The following EHHADH variants were observed in gnomAD, a reference collection of about 807,000 sequenced individuals.
EHHADH encodes enoyl-CoA hydratase and 3-hydroxyacyl CoA dehydrogenase, also known as peroxisomal bifunctional enzyme.
EHHADH carries 48 observed loss-of-function variants against 64.4 expected under a neutral mutation model. The ratio of observed to expected loss-of-function variants is 0.75; its 90% CI spans 0.59 to 0.95. The LOEUF (loss-of-function observed/expected upper bound fraction) is 0.95, where lower values mean the gene tolerates loss of function less well. Ranked by LOEUF, EHHADH falls within the 40% of genes least tolerant of loss-of-function variation. The pLI is 0.00. For synonymous variants in EHHADH, 308 were observed against 326.7 expected, an observed-to-expected ratio of 0.94 and a Z score of 0.62; for missense variants, 854 against 876.6, an observed-to-expected ratio of 0.97 and a Z score of 0.33.
In EHHADH at chr3:185,193,431, C is replaced by G; in HGVS notation, c.967G>C (p.Val323Leu). The change falls in exon 7 of 7, where the codon GTG (valine) becomes CTG (leucine). Residue 323 changes from valine to leucine, a missense_variant. Val to Leu is a conservative substitution (Grantham distance 32). Transcript: ENST00000231887. ...VISFARARIPVIAVDSDKNQL... is the reference protein window; with the variant it reads ...VISFARARIPLIAVDSDKNQL... The stretch of plus-strand genomic sequence containing the variant: ...TTTTTGTCCGAGTCTACAGCAATCA[C>G]AGGAATCCTGGCCCTTGCAAAAGAA... 6.2e-7 allele frequency: 1 copy of G among 1,614,214 alleles called. No homozygotes were observed. The highest frequency in any genetic ancestry group is 8.5e-7 in the Non-Finnish European group (1 of 1,180,028).
chr3:185,226,758 C>A (rs1718990137), intron 4 of EHHADH: 1 of 152,080 alleles, frequency 6.6e-6, no homozygotes, highest in Non-Finnish European at 1.5e-5. Flanking sequence ...TGAGCTATAT[C>A]CCAAGTAAGC....
At chr3:185,248,567 A>G in intron 1 of EHHADH, 50 bp from the exon 2 acceptor site, 2 of 1,378,632 alleles carry the variant, frequency 1.5e-6, no homozygotes, top group South Asian at 2.5e-5. Context: ...TTAAATTCCT[A>G]CCATTCAGAG....
chr3:185,192,357 TC>T lies in EHHADH; in HGVS notation c.2040del (p.Lys681AsnfsTer18). On this transcript the variant is annotated frameshift_variant, in exon 7 of 7. Transcript: ENST00000231887. LOFTEE classifies it high-confidence loss of function. ...VGLPTVLEKLQKYYRQNPDIP... is the reference protein window; with the variant it reads ...VGLPTVLEKLXKYYRQNPDIP... ...ATATCAGGGTTCTGCCTGTAATATT[TC>T]TGCAATTTCTCTAGAACTGTGGGCA... is the stretch of plus-strand genomic sequence containing the variant. 6.2e-7 allele frequency: 1 copy of T among 1,614,214 alleles called. No individual in the cohort carries two copies. Among genetic ancestry groups the T allele is most frequent in the Non-Finnish European group, 8.5e-7 (1 of 1,180,044 alleles).
chr3:185,192,166 A>G lies in EHHADH; in HGVS notation c.*60T>C, dbSNP rs994908205. ...TACTTTGGATTTTTGATTTAATTTC[A>G]CTGAAATTCAGTCAGCATTACCTGA... On this transcript the variant is annotated 3_prime_UTR_variant, in exon 7 of 7. Coordinates refer to ENST00000231887, the MANE Select transcript of EHHADH (RefSeq NM_001966.4). 5 of 1,500,818 alleles carry G rather than the reference A, an allele frequency of 3.3e-6. No homozygotes were observed. The African/African-American group carries it at 5.6e-5, about 17-fold the overall frequency. 93.0% of individuals were successfully genotyped at this position (1,500,818 alleles called of 1,614,324 possible). A position where few individuals can be genotyped will look rare whatever the true frequency, so the allele number is the denominator to read the frequency against.
intron 4 of EHHADH, among the ~76,000 whole-genome samples, chr3:185,228,253 A>T (rs1223251741): frequency 8.6e-5 from 4 of 46,724 alleles, no homozygotes; most frequent in Non-Finnish European, 1.4e-4. Context: ...AAAAAAAAAA[A>T]AAAAATATAT....
chr3:185,205,301 G>A (rs901818271), intron 5 of EHHADH, among the ~76,000 whole-genome samples: 1 of 152,096 alleles, frequency 6.6e-6, no homozygotes, highest in East Asian at 1.9e-4. Flanking sequence ...GTACCCAGAA[G>A]TTGGTTTTTC....
At chr3:185,217,773 T>A (rs1718726242) in intron 5 of EHHADH, among the ~76,000 whole-genome samples, 1 of 151,166 alleles carries the variant, frequency 6.6e-6, no homozygotes, top group Non-Finnish European at 1.5e-5. Context: ...TTCTTTTTTT[T>A]TTTTTTCTCG....
At position 185,198,321 on chromosome 3, in the gene EHHADH, C is replaced by T. The variant is rs377726947; in HGVS notation, c.911-4834G>A. On this transcript the variant is annotated intron_variant, in intron 6 of 6. Coordinates refer to ENST00000231887, the MANE Select transcript of EHHADH (RefSeq NM_001966.4). Reference sequence around the variant, plus strand: ...GTAACCTCCGCCTCCCGAGTTCAAGCGATTCTCGTGCCTCAGCCTCCGGAG... The same window carrying T: ...GTAACCTCCGCCTCCCGAGTTCAAGTGATTCTCGTGCCTCAGCCTCCGGAG... 9.9e-5 allele frequency among the ~76,000 whole-genome samples: 15 copies of T among 152,064 alleles called. No homozygotes were observed. The East Asian group carries it at 1.2e-3, about 12-fold the overall frequency.
At chr3:185,238,885 C>T (rs928589896) in intron 2 of EHHADH, among the ~76,000 whole-genome samples, 2 of 152,102 alleles carry the variant, frequency 1.3e-5, no homozygotes, top group Non-Finnish European at 2.9e-5. Flanking sequence ...AAGAGATTTC[C>T]TAAATATTCA....
chr3:185,204,526 G>T lies in EHHADH; in HGVS notation c.800C>A (p.Ala267Asp). 1 of 1,614,134 alleles carries T rather than the reference G, an allele frequency of 6.2e-7. No homozygotes were observed. Among genetic ancestry groups the T allele is most frequent in the Non-Finnish European group, 8.5e-7 (1 of 1,180,000 alleles). The change falls in exon 6 of 7, where the codon GCC (alanine) becomes GAC (aspartate). Residue 267 changes from alanine (A) to aspartate (D), a missense_variant. Physicochemically the swap from Ala to Asp is moderately radical, Grantham distance 126. Coordinates refer to ENST00000231887, the MANE Select transcript of EHHADH (RefSeq NM_001966.4). ...LYLLQSGQARALQYAFFAERK... is the reference protein window; with the variant it reads ...LYLLQSGQARDLQYAFFAERK... The stretch of plus-strand genomic sequence containing the variant: ...TTCAGCGAAGAAAGCATATTGCAGG[G>T]CTCTAGCCTGCCCTGATTGCAAAAG...
At chr3:185,209,474 T>C (rs1718482143) in intron 5 of EHHADH, among the ~76,000 whole-genome samples, 1 of 152,196 alleles carries the variant, frequency 6.6e-6, no homozygotes, top group Non-Finnish European at 1.5e-5. Flanking sequence ...CTGGCATCTC[T>C]TAAAAAATAA....
At chr3:185,236,716 C>T (rs1719306095) in intron 2 of EHHADH, among the ~76,000 whole-genome samples, 2 of 152,054 alleles carry the variant, frequency 1.3e-5, no homozygotes, top group African/African-American at 4.8e-5. Flanking sequence ...ACTCTCTAGT[C>T]CAGTGTTTTG....
chr3:185,242,655 G>C (rs1719489274), intron 2 of EHHADH, among the ~76,000 whole-genome samples: 1 of 152,196 alleles, frequency 6.6e-6, no homozygotes. Flanking sequence ...TAAGGAAAGT[G>C]GGGGAAAGCT....
At chr3:185,200,274 G>T (rs894767900) in intron 6 of EHHADH, among the ~76,000 whole-genome samples, 1 of 152,052 alleles carries the variant, frequency 6.6e-6, no homozygotes, top group Non-Finnish European at 1.5e-5. Context: ...AAGATAGGAT[G>T]TATCAGTCAT....
intron 2 of EHHADH, among the ~76,000 whole-genome samples, chr3:185,238,364 C>A (rs1719356319): frequency 6.6e-6 from 1 of 152,122 alleles, no homozygotes; most frequent in African/African-American, 2.4e-5. Flanking sequence ...GTACTAATTT[C>A]CATTCCAAAT....
intron 5 of EHHADH, among the ~76,000 whole-genome samples, chr3:185,205,526 A>G (rs1407003622): frequency 6.6e-6 from 1 of 152,262 alleles, no homozygotes; most frequent in African/African-American, 2.4e-5. Flanking sequence ...TCTTACAATT[A>G]TAGCCAATGA....
Position 185,192,846 on chromosome 3 carries a change from G to T in EHHADH, c.1552C>A (p.Pro518Thr). ...VLEEFGFKMGPFRVSDLAGLD... is the reference protein window; with the variant it reads ...VLEEFGFKMGTFRVSDLAGLD... ...CCAGCAAGATCAGACACTCTAAAAG[G>T]TCCCATTTTAAAACCAAACTCTTCC... Residue 518 changes from proline (P) to threonine (T), a missense_variant, in exon 7 of 7, where the codon CCT becomes ACT. Physicochemically the swap from Pro to Thr is conservative, Grantham distance 38 (BLOSUM62 -1). Coordinates refer to ENST00000231887, the MANE Select transcript of EHHADH (RefSeq NM_001966.4). 6.2e-7 allele frequency: 1 copy of T among 1,614,050 alleles called. No individual in the cohort carries two copies. Among genetic ancestry groups the T allele is most frequent in the Non-Finnish European group, 8.5e-7 (1 of 1,180,024 alleles).
chr3:185,246,543 A>C (rs1719601049), intron 2 of EHHADH: 3 of 251,694 alleles, frequency 1.2e-5, no homozygotes, highest in Non-Finnish European at 1.5e-5. Context: ...CCACCACCGC[A>C]CTAGGCTCTT....
In EHHADH at chr3:185,193,455, A is replaced by G. The variant is rs1717971134; in HGVS notation, c.943T>C (p.Ser315Pro). The change falls in exon 7 of 7, where the codon TCT (serine) becomes CCT (proline). Residue 315 changes from serine (S) to proline (P), a missense_variant. Coordinates refer to ENST00000231887, the MANE Select transcript of EHHADH (RefSeq NM_001966.4). The stretch of plus-strand genomic sequence containing the variant: ...ACAGGAATCCTGGCCCTTGCAAAAG[A>G]AATGACAATGCCTCGGCCCATTGTT... ...LGTMGRGIVISFARARIPVIA... is the reference protein window; with the variant it reads ...LGTMGRGIVIPFARARIPVIA... 1.9e-6 allele frequency: 3 copies of G among 1,614,088 alleles called. No homozygotes were observed. Among genetic ancestry groups the G allele is most frequent in the Non-Finnish European group, 2.5e-6 (3 of 1,180,040 alleles).
Sources: gnomAD v4.1 joint callset for allele counts (sites outside exome capture counted in the v4.1 genomes callset) on GRCh38, gnomAD v4.1.1 for gene constraint, MANE v1.5 for transcripts, NCBI Gene and HGNC (gene_info 2026-07-23, HGNC 2026-07-21) for gene names.